The following RFX2 variants were observed in gnomAD, a reference collection of about 807,000 sequenced individuals.
RFX2 encodes DNA-binding protein RFX2.
A neutral mutation model predicts 87.8 loss-of-function variants in RFX2; 20 were observed. The ratio of observed to expected loss-of-function variants is 0.23; its 90% CI spans 0.16 to 0.33. RFX2 has a LOEUF of 0.33. RFX2 is among the 10% of genes least tolerant of loss of function. The pLI is 1.00. For synonymous variants in RFX2, 397 were observed against 431.3 expected, an observed-to-expected ratio of 0.92 and a Z score of 0.98; for missense variants, 767 against 1,012.3, an observed-to-expected ratio of 0.76 and a Z score of 3.29.
At chr19:6,079,821 G>A (rs568760216) in intron 1 of RFX2, among the ~76,000 whole-genome samples, 1 of 151,394 alleles carries the variant, frequency 6.6e-6, no homozygotes, top group South Asian at 2.1e-4. Flanking sequence ...GGGAGCCGGA[G>A]GTTGCAGTGA....
Position 6,083,487 on chromosome 19 carries a change from G to A in RFX2, c.-9+26906C>T, listed in dbSNP as rs949380914. ...AAAACGCAAAAAATATTCTCAACTC[G>A]TGGAAACTAAAAACAAAAATAAAAA... On this transcript the variant is annotated intron_variant, in intron 1 of 17. Transcript: ENST00000303657. The surrounding 1 kb of genome is among the most constrained non-coding windows in gnomAD (Gnocchi z 4.6). Among the ~76,000 whole-genome samples the A allele has an allele frequency of 4.6e-4, 69 of 149,960 alleles. No individual in the cohort carries two copies. The highest frequency in any genetic ancestry group is 1.4e-3 in the African/African-American group (59 of 40,742).
chr19:6,061,334 C>T lies in RFX2; in HGVS notation c.-8-13830G>A, dbSNP rs1314909179. On this transcript the variant is annotated intron_variant, in intron 1 of 17. Coordinates refer to ENST00000303657, the MANE Select transcript of RFX2 (RefSeq NM_000635.4). This position sits in a 1 kb window ranked among gnomAD's most constrained non-coding sequence, Gnocchi z 5.2. ...CTCAAAAAATCCTCCCAAGAATTTT[C>T]ACCGCATAGACAGTGTGTGTGCTAA... Among the ~76,000 whole-genome samples, 5 of 152,224 alleles carry T rather than the reference C, an allele frequency of 3.3e-5. No individual in the cohort carries two copies. Among genetic ancestry groups the T allele is most frequent in the Admixed American group, 3.3e-4 (5 of 15,284 alleles).
At chr19:6,029,005 G>A (rs2086923053) in intron 5 of RFX2, among the ~76,000 whole-genome samples, 1 of 151,978 alleles carries the variant, frequency 6.6e-6, no homozygotes, top group Non-Finnish European at 1.5e-5. Flanking sequence ...CTTGAATCCG[G>A]GAAGCAGAGA....
chr19:6,011,571 GAC>G lies in RFX2; in HGVS notation c.900-1322_900-1321del, dbSNP rs952987557. Among the ~76,000 whole-genome samples the G allele has an allele frequency of 1.1e-4, 16 of 152,336 alleles. No individual in the cohort carries two copies. The highest frequency in any genetic ancestry group is 7.8e-4 in the Admixed American group (12 of 15,302). ...AAATGTGTGTCGCTGCTCCTAAAATGACACACTGCCTGGAGCACAGGTTCACA... is the reference window on the plus strand; with the variant it reads ...AAATGTGTGTCGCTGCTCCTAAAATGACACTGCCTGGAGCACAGGTTCACA... On this transcript the variant is annotated intron_variant, in intron 8 of 17. Transcript: ENST00000303657. This position sits in a 1 kb window ranked among gnomAD's most constrained non-coding sequence, Gnocchi z 4.8.
chr19:6,086,999 T>A (rs1244722139), intron 1 of RFX2, among the ~76,000 whole-genome samples: 1 of 152,214 alleles, frequency 6.6e-6, no homozygotes, highest in Non-Finnish European at 1.5e-5. Context: ...TATGTCTTTT[T>A]TTTTTTAATC....
At chr19:6,000,085 A>G (rs1047681439) in intron 15 of RFX2, among the ~76,000 whole-genome samples, 2 of 152,008 alleles carry the variant, frequency 1.3e-5, no homozygotes, top group African/African-American at 4.8e-5. Flanking sequence ...CCCGGATTCA[A>G]GTGATTCTCC....
At chr19:6,091,015 A>T (rs2087925930) in intron 1 of RFX2, among the ~76,000 whole-genome samples, 1 of 152,210 alleles carries the variant, frequency 6.6e-6, no homozygotes, top group African/African-American at 2.4e-5. Flanking sequence ...ACCCACATAG[A>T]CAAGAAGCAG....
intron 1 of RFX2, among the ~76,000 whole-genome samples, chr19:6,078,715 AT>A (rs2087731729): frequency 6.6e-6 from 1 of 152,246 alleles, no homozygotes; most frequent in Non-Finnish European, 1.5e-5. Context: ...AGAAATTTTC[AT>A]TTCTGAATCT....
In RFX2 at chr19:6,007,200, C is replaced by G. The variant is rs2086595131; in HGVS notation, c.1248-34G>C. 1 of 1,604,286 alleles carries G rather than the reference C, an allele frequency of 6.2e-7. No individual in the cohort carries two copies. The highest frequency in any genetic ancestry group is 1.7e-5 in the Admixed American group (1 of 59,680). ...GGAGGGGGGACAGGTGAGCTGTGGCCTGGCCCAGGTGGGCTCACTCAGCCA... is the reference window on the plus strand; with the variant it reads ...GGAGGGGGGACAGGTGAGCTGTGGCGTGGCCCAGGTGGGCTCACTCAGCCA... On this transcript the variant is annotated intron_variant, in intron 11 of 17. Transcript: ENST00000303657. This position sits in a 1 kb window ranked among gnomAD's most constrained non-coding sequence, Gnocchi z 8.2.
At chr19:6,000,439 G>A (rs1261695578) in intron 15 of RFX2, among the ~76,000 whole-genome samples, 1 of 152,224 alleles carries the variant, frequency 6.6e-6, no homozygotes, top group East Asian at 1.9e-4. Flanking sequence ...CAATGGGCTG[G>A]GGCAGTGATA....
rs960561955 is a variant in RFX2, at chr19:5,999,083, C to G, written c.1860-1870G>C. ...GCAGCCCGGCCAACATGGCAAAACC[C>G]CGTCTCTACTAAAAATACAAAAATC... On this transcript the variant is annotated intron_variant, in intron 15 of 17. Coordinates refer to ENST00000303657, the MANE Select transcript of RFX2 (RefSeq NM_000635.4). This position sits in a 1 kb window ranked among gnomAD's most constrained non-coding sequence, Gnocchi z 4.1. Among the ~76,000 whole-genome samples the G allele has an allele frequency of 1.3e-5, 2 of 152,134 alleles. No homozygotes were observed. The highest frequency in any genetic ancestry group is 4.8e-5 in the African/African-American group (2 of 41,406).
chr19:6,036,364 G>T (rs1411763715), intron 5 of RFX2, among the ~76,000 whole-genome samples: 1 of 152,098 alleles, frequency 6.6e-6, no homozygotes, highest in Admixed American at 6.6e-5. Flanking sequence ...GAGGGAGGAG[G>T]CATGGGGCAC....
At position 6,061,584 on chromosome 19, in the gene RFX2, G is replaced by A. The variant is rs756720447; in HGVS notation, c.-8-14080C>T. 6.6e-6 allele frequency among the ~76,000 whole-genome samples: 1 copy of A among 152,186 alleles called. No homozygotes were observed. Among genetic ancestry groups the A allele is most frequent in the African/African-American group, 2.4e-5 (1 of 41,434 alleles). On this transcript the variant is annotated intron_variant, in intron 1 of 17. Transcript: ENST00000303657. This position sits in a 1 kb window ranked among gnomAD's most constrained non-coding sequence, Gnocchi z 5.2. ...AACATTTGGTTCCCTTCCTACTCCC[G>A]GCCCCGCCTCTGGATCTTACTGGGG...
At chr19:6,107,726 A>C (rs1175117667) in intron 1 of RFX2, among the ~76,000 whole-genome samples, 1 of 151,896 alleles carries the variant, frequency 6.6e-6, no homozygotes, top group Non-Finnish European at 1.5e-5. Flanking sequence ...TATAATGCTA[A>C]TGTAAAACTA....
In RFX2 at chr19:6,008,190, G is replaced by C; in HGVS notation, c.1050C>G (p.Pro350=). ...CCTGCAGCAGGAAGCTGCCCAGGTC[G>C]GGCGCTGGGAACTCGGGGAAGACGT... ...VSHVFPEFPA[P]DLGSFLLQDG... is the part of the protein sequence containing the mutation. Residue 350 remains proline (P), a synonymous_variant, in exon 10 of 18, where the codon CCC becomes CCG. Coordinates refer to ENST00000303657, the MANE Select transcript of RFX2 (RefSeq NM_000635.4). 1 of 1,560,868 alleles carries C rather than the reference G, an allele frequency of 6.4e-7. No individual in the cohort carries two copies. Among genetic ancestry groups the C allele is most frequent in the Non-Finnish European group, 8.7e-7 (1 of 1,150,398 alleles).
chr19:6,000,223 G>A (rs1021844743), intron 15 of RFX2, among the ~76,000 whole-genome samples: 1 of 152,186 alleles, frequency 6.6e-6, no homozygotes, highest in Non-Finnish European at 1.5e-5. Flanking sequence ...GACCCCAAGT[G>A]ATCCACCTGC....
rs2086813712 is a variant in RFX2, at chr19:6,021,723, AG to A, written c.597+4439del. Among the ~76,000 whole-genome samples the A allele has an allele frequency of 6.6e-6, 1 of 152,232 alleles. No individual in the cohort carries two copies. The highest frequency in any genetic ancestry group is 6.5e-5 in the Admixed American group (1 of 15,288). The stretch of plus-strand genomic sequence containing the variant: ...AGGAGTGGGAGAGAGCGGGTCCTGC[AG>A]GGCCTTGTGGGCCATTTTGACAACA... On this transcript the variant is annotated intron_variant, in intron 6 of 17. Coordinates refer to ENST00000303657, the MANE Select transcript of RFX2 (RefSeq NM_000635.4). The surrounding 1 kb of genome is among the most constrained non-coding windows in gnomAD (Gnocchi z 5.7).
Position 6,026,275 on chromosome 19 carries a change from TG to T in RFX2, c.523-39del, listed in dbSNP as rs764334436. 6.9e-5 allele frequency: 102 copies of T among 1,484,416 alleles called. No homozygotes were observed. Among genetic ancestry groups the T allele is most frequent in the Non-Finnish European group, 9.0e-5 (99 of 1,098,082 alleles). 92.0% of individuals were successfully genotyped at this position (1,484,416 alleles called of 1,614,324 possible). A position where few individuals can be genotyped will look rare whatever the true frequency, so the allele number is the denominator to read the frequency against. ...TGTGCAGAAACAAAACAAAACAAAA[TG>T]GAAAAAAAAAAAAAGGAAATCAGAT... On this transcript the variant is annotated intron_variant, in intron 5 of 17. Coordinates refer to ENST00000303657, the MANE Select transcript of RFX2 (RefSeq NM_000635.4). This position sits in a 1 kb window ranked among gnomAD's most constrained non-coding sequence, Gnocchi z 4.5.
At position 6,024,206 on chromosome 19, in the gene RFX2, G is replaced by A. The variant is rs534220882; in HGVS notation, c.597+1957C>T. ...ATACCCTGGACCCGCATGGGTTTGC[G>A]TTCAGGCTGAAGATGGCCTGATCCT... On this transcript the variant is annotated intron_variant, in intron 6 of 17. Transcript: ENST00000303657. The surrounding 1 kb of genome is among the most constrained non-coding windows in gnomAD (Gnocchi z 5.0). Among the ~76,000 whole-genome samples the A allele has an allele frequency of 9.8e-5, 15 of 152,362 alleles. No individual in the cohort carries two copies. The highest frequency in any genetic ancestry group is 3.4e-4 in the African/African-American group (14 of 41,584).
Sources: gnomAD v4.1 joint callset for allele counts (sites outside exome capture counted in the v4.1 genomes callset) on GRCh38, gnomAD v4.1.1 for gene constraint, Gnocchi (gnomAD v3.1) non-coding constraint, MANE v1.5 for transcripts, NCBI Gene and HGNC (gene_info 2026-07-23, HGNC 2026-07-21) for gene names.